The following AP5Z1 variants were observed in gnomAD, a reference collection of about 807,000 sequenced individuals.
AP5Z1 encodes AP-5 complex subunit zeta-1.
A neutral mutation model predicts 83.0 loss-of-function variants in AP5Z1; 106 were observed. The ratio of observed to expected loss-of-function variants is 1.28; its 90% CI spans 1.09 to 1.50. AP5Z1 has a LOEUF of 1.50. AP5Z1 is among the 40% of genes most tolerant of loss of function. The probability of loss-of-function intolerance (pLI) is 0.00; values close to 1 mark genes in which losing one functional copy is unlikely to be tolerated. For missense variants in AP5Z1, 1,565 were observed against 1,094.2 expected (o/e 1.43, Z -6.07); for synonymous variants, 751 against 514.1 (o/e 1.46, Z -6.23).
intron 1 of AP5Z1, among the ~76,000 whole-genome samples, chr7:4,776,692 G>A (rs1310347875): frequency 6.6e-5 from 10 of 152,072 alleles, no homozygotes; most frequent in East Asian, 1.9e-4. Flanking sequence ...CTGAGATGGC[G>A]CCACTGCACT....
At position 4,792,654 on chromosome 7, in the gene AP5Z1, C is replaced by T. The variant is rs1182540932; in HGVS notation, c.*1269C>T. 2 of 152,206 alleles carry T rather than the reference C, an allele frequency of 1.3e-5. No individual in the cohort carries two copies. The highest frequency in any genetic ancestry group is 4.8e-5 in the African/African-American group (2 of 41,450). 9.4% of individuals were successfully genotyped at this position (152,206 alleles called of 1,614,324 possible). On this transcript the variant is annotated 3_prime_UTR_variant, in exon 17 of 17. Coordinates refer to ENST00000649063, the MANE Select transcript of AP5Z1 (RefSeq NM_014855.3). ...GAGCTCCAGGACGGCTGGTGTCCCC[C>T]GCGGCCTGCGATGACAGCCCAGGGC... is the stretch of plus-strand genomic sequence containing the variant.
rs959070520 is a variant in AP5Z1, at chr7:4,775,657, T to A, written c.-59T>A. ...CCGGAAGTTGACCGGGGTGCGGAGCTCCTGGGCTGCAGCTCCTGGAGTTTC... is the reference window on the plus strand; with the variant it reads ...CCGGAAGTTGACCGGGGTGCGGAGCACCTGGGCTGCAGCTCCTGGAGTTTC... On this transcript the variant is annotated 5_prime_UTR_variant, in exon 1 of 17. Coordinates refer to ENST00000649063, the MANE Select transcript of AP5Z1 (RefSeq NM_014855.3). 4.4e-6 allele frequency: 7 copies of A among 1,601,060 alleles called. No individual in the cohort carries two copies. Among genetic ancestry groups the A allele is most frequent in the Non-Finnish European group, 5.9e-6 (7 of 1,178,286 alleles).
At chr7:4,788,988 C>G (rs1027887574) in intron 13 of AP5Z1, 37 bp downstream of exon 13, 2 of 1,571,018 alleles carry the variant, frequency 1.3e-6, no homozygotes, top group African/African-American at 2.7e-5. Flanking sequence ...TTCCCACAGG[C>G]CTCACAACTG....
At position 4,791,523 on chromosome 7, in the gene AP5Z1, T is replaced by A; in HGVS notation, c.*138T>A. ...AAGGCCCACGGTGGGCTTGGCACCC[T>A]CACAGACACGCGGGGCTGGCCCCCC... is the stretch of plus-strand genomic sequence containing the variant. On this transcript the variant is annotated 3_prime_UTR_variant, in exon 17 of 17. Coordinates refer to ENST00000649063, the MANE Select transcript of AP5Z1 (RefSeq NM_014855.3). The A allele has an allele frequency of 7.7e-7, 1 of 1,291,878 alleles. No individual in the cohort carries two copies. The highest frequency in any genetic ancestry group is 1.0e-6 in the Non-Finnish European group (1 of 955,160). The allele number at this position is 1,291,878 out of a possible 1,614,324, so 80.0% of individuals were successfully genotyped here. A position where few individuals can be genotyped will look rare whatever the true frequency, so the allele number is the denominator to read the frequency against.
In AP5Z1 at chr7:4,791,686, T is replaced by G. The variant is rs1425297751; in HGVS notation, c.*301T>G. 1 of 477,074 alleles carries G rather than the reference T, an allele frequency of 2.1e-6. No homozygotes were observed. Among genetic ancestry groups the G allele is most frequent in the African/African-American group, 1.9e-5 (1 of 51,636 alleles). 29.6% of individuals were successfully genotyped at this position (477,074 alleles called of 1,614,324 possible). ...TCGGGTGGAGGCTGCTGGGTCTGTT[T>G]CCTAGTCTTTTGTTTTTGGACAGTT... On this transcript the variant is annotated 3_prime_UTR_variant, in exon 17 of 17. Transcript: ENST00000649063.
rs1332257482 is a variant in AP5Z1, at chr7:4,778,918, A to G, written c.42-2257A>G. 5.5e-5 allele frequency among the ~76,000 whole-genome samples: 8 copies of G among 146,744 alleles called. No homozygotes were observed. In the Admixed American group the frequency reaches 5.5e-4, roughly 10 times the overall value. On this transcript the variant is annotated intron_variant, in intron 1 of 16. Transcript: ENST00000649063. ...AATTCACTGGGCTTAGTGTAGTCCC[A>G]GCTACTTGAAAGGCTGAGGTGGGAG...
chr7:4,779,026 A>G (rs971776801), intron 1 of AP5Z1, among the ~76,000 whole-genome samples: 45 of 146,098 alleles, frequency 3.1e-4, no homozygotes, highest in African/African-American at 1.0e-3. Context: ...ATAAGACTCT[A>G]TCTCAAAAAA....
chr7:4,788,849 A>G lies in AP5Z1; in HGVS notation c.1605A>G (p.Pro535=). The G allele has an allele frequency of 6.2e-7, 1 of 1,606,520 alleles. No homozygotes were observed. The highest frequency in any genetic ancestry group is 8.5e-7 in the Non-Finnish European group (1 of 1,177,028). The change falls in exon 13 of 17, where the codon CCA becomes CCG. Residue 535 remains proline (P), a synonymous_variant. Coordinates refer to ENST00000649063, the MANE Select transcript of AP5Z1 (RefSeq NM_014855.3). ...KASGATERLA[P]LHQLLQPMAG... ...CACACTGTGTCCTCAGGTTGGCGCC[A>G]CTCCACCAGCTGCTGCAGCCCATGG...
intron 10 of AP5Z1, 69 bp downstream of exon 10, chr7:4,786,497 C>A: frequency 6.4e-7 from 1 of 1,561,924 alleles, no homozygotes; most frequent in South Asian, 1.1e-5. Context: ...CCCCTCTTTC[C>A]AGCGGGGTTC....
chr7:4,786,347 C>G lies in AP5Z1; in HGVS notation c.1230C>G (p.Phe410Leu), dbSNP rs367616544. The change falls in exon 10 of 17, where the codon TTC becomes TTG. Residue 410 changes from phenylalanine (F) to leucine (L), a missense_variant. Coordinates refer to ENST00000649063, the MANE Select transcript of AP5Z1 (RefSeq NM_014855.3). The stretch of plus-strand genomic sequence containing the variant: ...ACAGCCCCATGCTGGCCTTTGAATT[C>G]ATCCAGTTCTGCAGGGACAACCTCC... ...QFHSPMLAFEFIQFCRDNLHL... is the reference protein window; with the variant it reads ...QFHSPMLAFELIQFCRDNLHL... 71 of 1,613,976 alleles carry G rather than the reference C, an allele frequency of 4.4e-5. No individual in the cohort carries two copies. Among genetic ancestry groups the G allele is most frequent in the Non-Finnish European group, 5.9e-5 (70 of 1,179,862 alleles).
intron 2 of AP5Z1, 79 bp downstream of exon 2, chr7:4,781,391 C>T (rs1247209159): frequency 2.4e-5 from 38 of 1,597,908 alleles, no homozygotes; most frequent in Non-Finnish European, 3.0e-5. Context: ...CAGGTCACTG[C>T]AGATGCTCCT....
In AP5Z1 at chr7:4,785,599, C is replaced by G; in HGVS notation, c.1047C>G (p.Cys349Trp). The change falls in exon 9 of 17, where the codon TGC becomes TGG. Residue 349 changes from cysteine (C) to tryptophan (W), a missense_variant. Cys to Trp is a radical substitution (Grantham distance 215). Transcript: ENST00000649063. ...DPSFLYRSLS[C>W]LKALHGRVRG... ...CCTTCCTGTACCGAAGTCTCTCCTGCCTGAAGGCCCTGCACGGGCGGGTGC... is the reference window on the plus strand; with the variant it reads ...CCTTCCTGTACCGAAGTCTCTCCTGGCTGAAGGCCCTGCACGGGCGGGTGC... 6.3e-7 allele frequency: 1 copy of G among 1,596,918 alleles called. No individual in the cohort carries two copies. The highest frequency in any genetic ancestry group is 8.5e-7 in the Non-Finnish European group (1 of 1,173,754).
chr7:4,782,013 G>A lies in AP5Z1; in HGVS notation c.366+259G>A, dbSNP rs188684570. ...TTCTCAGACAGAGCCTTGAGACAGC[G>A]AGTCAGTGGAGGCTGGGCCTCCAGA... is the stretch of plus-strand genomic sequence containing the variant. On this transcript the variant is annotated intron_variant, in intron 3 of 16. Transcript: ENST00000649063. Among the ~76,000 whole-genome samples, 651 of 152,330 alleles carry A rather than the reference G, an allele frequency of 4.3e-3. 3 individuals carry two copies. The highest frequency in any genetic ancestry group is 0.015 in the African/African-American group (627 of 41,570).
At chr7:4,776,377 T>C (rs1781225821) in intron 1 of AP5Z1, among the ~76,000 whole-genome samples, 1 of 151,902 alleles carries the variant, frequency 6.6e-6, no homozygotes, top group South Asian at 2.1e-4. Flanking sequence ...CTGAACAGAC[T>C]CACGGTCCAC....
rs753710239 is a variant in AP5Z1 at position 4,786,223 on chromosome 7, G to A, written c.1133-27G>A. 1.5e-5 allele frequency: 24 copies of A among 1,574,076 alleles called. No homozygotes were observed. The South Asian group carries it at 2.7e-4, about 18-fold the overall frequency. On this transcript the variant is annotated intron_variant, in intron 9 of 16. Transcript: ENST00000649063. Reference sequence around the variant, plus strand: ...CACGGCCAGGGCGAGGTCAAGACGTGTGCCCTGGCGGGCCCTGGTCTTGCA... The same window carrying A: ...CACGGCCAGGGCGAGGTCAAGACGTATGCCCTGGCGGGCCCTGGTCTTGCA...
chr7:4,785,759 CCTTTT>C, intron 9 of AP5Z1, 75 bp downstream of exon 9: 6 of 1,318,840 alleles, frequency 4.5e-6, no homozygotes, highest in Non-Finnish European at 3.9e-6. Context: ...TTTCTTCTTC[CCTTTT>C]TTTTTTTTTT....
chr7:4,781,142 C>T, intron 1 of AP5Z1, 33 bp from the exon 2 acceptor site: 1 of 1,605,368 alleles, frequency 6.2e-7, no homozygotes, highest in Non-Finnish European at 8.5e-7. Context: ...GCAGCGAGTG[C>T]TTCTGGGTCC....
rs750683459 is a variant in AP5Z1 at position 4,791,150 on chromosome 7, C to T, written c.2189C>T (p.Ala730Val). 7.5e-5 allele frequency: 120 copies of T among 1,608,656 alleles called. No individual in the cohort carries two copies. The highest frequency in any genetic ancestry group is 1.0e-4 in the Non-Finnish European group (118 of 1,177,640). The change falls in exon 17 of 17, where the codon GCT (alanine) becomes GTT (valine). Residue 730 changes from alanine to valine, a missense_variant. Ala to Val is a moderately conservative substitution (Grantham distance 64, BLOSUM62 0). Coordinates refer to ENST00000649063, the MANE Select transcript of AP5Z1 (RefSeq NM_014855.3). ...TTGCTGTCAAAGATGAGGACCCTGGCTCACAGTCCAGCCACCAGCTCCACG... is the reference window on the plus strand; with the variant it reads ...TTGCTGTCAAAGATGAGGACCCTGGTTCACAGTCCAGCCACCAGCTCCACG... ...SLLLSKMRTL[A>V]HSPATSSTHS... is the part of the protein sequence containing the mutation.
At chr7:4,784,609 C>T (rs1781481732) in intron 6 of AP5Z1, among the ~76,000 whole-genome samples, 1 of 152,170 alleles carries the variant, frequency 6.6e-6, no homozygotes, top group Non-Finnish European at 1.5e-5. Flanking sequence ...GACCCTCATG[C>T]AATGTGCAGA....
Sources: gnomAD v4.1 joint callset for allele counts (sites outside exome capture counted in the v4.1 genomes callset) on GRCh38, gnomAD v4.1.1 for gene constraint, MANE v1.5 for transcripts, NCBI Gene and HGNC (gene_info 2026-07-23, HGNC 2026-07-21) for gene names.